Variants in SHISA6 observed in about 807,000 individuals in gnomAD.
The protein encoded by SHISA6 is protein shisa-6.
SHISA6 carries 22 observed loss-of-function variants against 47.9 expected under a neutral mutation model. The observed-to-expected ratio is 0.46, with a 90% CI of 0.33 to 0.66. The LOEUF is 0.66. Ranked by LOEUF, SHISA6 falls within the 30% of genes least tolerant of loss-of-function variation. The pLI, the probability that SHISA6 is intolerant of heterozygous loss-of-function variation, is 0.02. For missense variants in SHISA6, 680 were observed against 764.6 expected (o/e 0.89, Z 1.30); for synonymous variants, 388 against 337.8 (o/e 1.15, Z -1.63).
chr17:11,304,736 C>A (rs1242060632), intron 2 of SHISA6, among the ~76,000 whole-genome samples: 11 of 152,044 alleles, frequency 7.2e-5, no homozygotes, highest in Non-Finnish European at 1.5e-5. Context: ...TGGGAACTTT[C>A]CAGGGACACT....
chr17:11,533,962 A>T (rs1268788258), intron 3 of SHISA6, among the ~76,000 whole-genome samples: 1 of 129,162 alleles, frequency 7.7e-6, no homozygotes, highest in African/African-American at 3.2e-5. Flanking sequence ...ACTAGTATTT[A>T]TTCTAACTTT....
chr17:11,324,847 C>T (rs1206014096), intron 2 of SHISA6, among the ~76,000 whole-genome samples: 2 of 152,040 alleles, frequency 1.3e-5, no homozygotes, highest in South Asian at 2.1e-4. Flanking sequence ...ACTCACAGAG[C>T]GGTGATCAAA....
chr17:11,408,751 T>C (rs564368226), intron 3 of SHISA6, among the ~76,000 whole-genome samples: 160 of 152,280 alleles, frequency 1.1e-3, no homozygotes, highest in Non-Finnish European at 1.9e-3. Context: ...TGGGATGTGG[T>C]TGGAGGTTGA....
At chr17:11,448,758 G>A (rs1450075318) in intron 3 of SHISA6, among the ~76,000 whole-genome samples, 3 of 152,044 alleles carry the variant, frequency 2.0e-5, no homozygotes, top group Non-Finnish European at 2.9e-5. Flanking sequence ...CCCGAGAGGT[G>A]GAGGTTGCAG....
intron 2 of SHISA6, among the ~76,000 whole-genome samples, chr17:11,291,440 C>T (rs1330746135): frequency 6.6e-6 from 1 of 151,886 alleles, no homozygotes; most frequent in Non-Finnish European, 1.5e-5. Context: ...TTAAGACCAT[C>T]CTGGCCATCA....
chr17:11,252,792 G>A (rs1567699864), intron 1 of SHISA6, among the ~76,000 whole-genome samples: 1 of 152,196 alleles, frequency 6.6e-6, no homozygotes, highest in Non-Finnish European at 1.5e-5. Context: ...CATGTGGCTG[G>A]CTCAAAAGCT....
intron 3 of SHISA6, among the ~76,000 whole-genome samples, chr17:11,407,292 A>AC (rs1567597617): frequency 6.6e-6 from 1 of 151,902 alleles, no homozygotes; most frequent in Non-Finnish European, 1.5e-5. Flanking sequence ...CTCTTTTGGG[A>AC]CCAGGTAGAT....
intron 3 of SHISA6, among the ~76,000 whole-genome samples, chr17:11,490,606 C>T (rs1216113956): frequency 6.6e-6 from 1 of 152,174 alleles, no homozygotes; most frequent in Non-Finnish European, 1.5e-5. Context: ...CTACTACGTT[C>T]TGGAGAAGTG....
At chr17:11,283,562 T>A (rs1909195593) in intron 2 of SHISA6, among the ~76,000 whole-genome samples, 2 of 152,218 alleles carry the variant, frequency 1.3e-5, no homozygotes, top group South Asian at 4.1e-4. Context: ...TGAATCTGAA[T>A]TAAGGAAAAT....
At position 11,304,263 on chromosome 17, in the gene SHISA6, G is replaced by A. The variant is rs957192533; in HGVS notation, c.799+40737G>A. Reference sequence around the variant, plus strand: ...GGACGAAGGCACTGGGGAGGTGGCCGGGTGGCAGTGTGAAGTGGTGCGAAC... The same window carrying A: ...GGACGAAGGCACTGGGGAGGTGGCCAGGTGGCAGTGTGAAGTGGTGCGAAC... On this transcript the variant is annotated intron_variant, in intron 2 of 5. Coordinates refer to ENST00000441885, the MANE Select transcript of SHISA6 (RefSeq NM_207386.4). Among the ~76,000 whole-genome samples the A allele has an allele frequency of 2.6e-5, 4 of 152,218 alleles. No individual in the cohort carries two copies. The South Asian group carries it at 6.2e-4, about 24-fold the overall frequency.
chr17:11,379,339 G>A (rs1912929000), intron 2 of SHISA6, 75 bp from the exon 3 acceptor site: 4 of 1,075,740 alleles, frequency 3.7e-6, no homozygotes, highest in Middle Eastern at 2.0e-4. Flanking sequence ...TCACTGTTGG[G>A]TGAGATGCAG....
intron 3 of SHISA6, among the ~76,000 whole-genome samples, chr17:11,500,810 T>C (rs1381255994): frequency 6.6e-6 from 1 of 152,180 alleles, no homozygotes; most frequent in African/African-American, 2.4e-5. Flanking sequence ...AAAGTGCTAT[T>C]GGACATAGAT....
intron 3 of SHISA6, among the ~76,000 whole-genome samples, chr17:11,407,174 C>T (rs1913990196): frequency 6.6e-6 from 1 of 151,820 alleles, no homozygotes; most frequent in African/African-American, 2.4e-5. Flanking sequence ...TACAACATAA[C>T]CGTCTTACAA....
chr17:11,358,667 CT>C (rs71142206), intron 2 of SHISA6, among the ~76,000 whole-genome samples: 112 of 141,150 alleles, frequency 7.9e-4, no homozygotes, highest in Admixed American at 1.1e-3. Context: ...CCAGAATTTC[CT>C]TTTTTTTTTT....
At chr17:11,346,050 A>G (rs947466203) in intron 2 of SHISA6, among the ~76,000 whole-genome samples, 1 of 152,120 alleles carries the variant, frequency 6.6e-6, no homozygotes, top group African/African-American at 2.4e-5. Context: ...GAAAGCATTC[A>G]GTTTTTTACC....
Position 11,408,444 on chromosome 17 carries a change from C to T in SHISA6, c.895+28935C>T, listed in dbSNP as rs542764880. On this transcript the variant is annotated intron_variant, in intron 3 of 5. Transcript: ENST00000441885. The stretch of plus-strand genomic sequence containing the variant: ...GCCCTCCAGGTGATTCTGATGTGTG[C>T]CAAAGTTTGAGAACCACTGTCATAA... Among the ~76,000 whole-genome samples, 3 of 152,188 alleles carry T rather than the reference C, an allele frequency of 2.0e-5. No individual in the cohort carries two copies. The South Asian group carries it at 6.2e-4, about 32-fold the overall frequency.
chr17:11,409,718 A>G (rs1352874124), intron 3 of SHISA6, among the ~76,000 whole-genome samples: 1 of 151,850 alleles, frequency 6.6e-6, no homozygotes, highest in African/African-American at 2.4e-5. Flanking sequence ...AAAAAAAAAA[A>G]AAAAGGAAAA....
intron 2 of SHISA6, among the ~76,000 whole-genome samples, chr17:11,367,976 C>T (rs1370224448): frequency 2.0e-5 from 3 of 152,184 alleles, no homozygotes. Context: ...GCTCCCCCAC[C>T]TAGAGTGCTT....
In SHISA6 at chr17:11,330,659, A is replaced by G. The variant is rs12601770; in HGVS notation, c.800-48755A>G. Among the ~76,000 whole-genome samples the G allele has an allele frequency of 2.7e-4, 41 of 152,328 alleles. 1 individual carries two copies. In the East Asian group the frequency reaches 7.5e-3, roughly 28 times the overall value. ...CTGGGGTCCAAGTTAAAAGGGTGCT[A>G]TTCATTACAGAAAAAACGTAAGTAA... On this transcript the variant is annotated intron_variant, in intron 2 of 5. Coordinates refer to ENST00000441885, the MANE Select transcript of SHISA6 (RefSeq NM_207386.4).
Sources: gnomAD v4.1 joint callset for allele counts (sites outside exome capture counted in the v4.1 genomes callset) on GRCh38, gnomAD v4.1.1 for gene constraint, MANE v1.5 for transcripts, NCBI Gene and HGNC (gene_info 2026-07-23, HGNC 2026-07-21) for gene names.